The following MARCO variants were observed in gnomAD, a reference collection of about 807,000 sequenced individuals.
MARCO encodes macrophage receptor MARCO.
Under a neutral mutation model 70.0 loss-of-function variants are expected in MARCO, and 72 were observed. The ratio of observed to expected loss-of-function variants is 1.03; its 90% CI spans 0.85 to 1.25. The LOEUF (loss-of-function observed/expected upper bound fraction) is 1.25. Among genes scored for constraint, MARCO ranks in the 50% most tolerant of loss-of-function variants. The probability of loss-of-function intolerance (pLI) is 0.00; values close to 1 mark genes in which losing one functional copy is unlikely to be tolerated. For missense variants in MARCO, 696 were observed against 659.3 expected, an observed-to-expected ratio of 1.06 and a Z score of -0.61; for synonymous variants, 273 against 243.1, an observed-to-expected ratio of 1.12 and a Z score of -1.14.
chr2:118,961,484 T>C (rs1056002968), intron 1 of MARCO, among the ~76,000 whole-genome samples: 2 of 152,246 alleles, frequency 1.3e-5, no homozygotes, highest in African/African-American at 4.8e-5. Context: ...TTGAACTTTC[T>C]TTTCTTGCGT....
chr2:118,964,744 C>A (rs141808301), intron 1 of MARCO, among the ~76,000 whole-genome samples: 48 of 151,972 alleles, frequency 3.2e-4, no homozygotes, highest in African/African-American at 1.1e-3. Context: ...AAAAATTAGC[C>A]GGGCATGGTG....
chr2:118,956,756 T>C (rs1679845807), intron 1 of MARCO, among the ~76,000 whole-genome samples: 1 of 152,104 alleles, frequency 6.6e-6, no homozygotes, highest in Non-Finnish European at 1.5e-5. Context: ...AAAATGACCC[T>C]CAATAAATTT....
chr2:118,944,946 T>G (rs1249532215), intron 1 of MARCO: 1 of 152,178 alleles, frequency 6.6e-6, no homozygotes, highest in African/African-American at 2.4e-5. Flanking sequence ...TTTTCTTTAT[T>G]TTTTATTCTA....
intron 14 of MARCO, among the ~76,000 whole-genome samples, 191 bp from the exon 15 acceptor site, chr2:118,992,241 A>T (rs1224344516): frequency 6.6e-6 from 1 of 152,186 alleles, no homozygotes; most frequent in African/African-American, 2.4e-5. Context: ...GCTGTAGCTC[A>T]GGCCCGTTTC....
chr2:118,981,335 G>C, intron 8 of MARCO, 74 bp from the exon 9 acceptor site: 1 of 926,552 alleles, frequency 1.1e-6, no homozygotes. Context: ...AGTGGAATGG[G>C]AAGTGTCAGA....
intron 1 of MARCO, among the ~76,000 whole-genome samples, chr2:118,965,248 C>T (rs941127080): frequency 1.3e-5 from 2 of 152,116 alleles, no homozygotes. Context: ...TTTGTTTTCC[C>T]AGCTGATTTT....
chr2:118,948,768 A>G (rs1679652540), intron 1 of MARCO, among the ~76,000 whole-genome samples: 2 of 152,132 alleles, frequency 1.3e-5, no homozygotes, highest in Admixed American at 6.6e-5. Context: ...GAGTATACTT[A>G]TTATAGTTGT....
intron 8 of MARCO, among the ~76,000 whole-genome samples, chr2:118,979,101 G>A (rs1387171499): frequency 6.6e-6 from 1 of 152,128 alleles, no homozygotes; most frequent in African/African-American, 2.4e-5. Context: ...CTGGCACATG[G>A]GAATTCCTTA....
rs113840315 is a variant in MARCO, at chr2:118,974,048, G to A, written c.461-285G>A. Among the ~76,000 whole-genome samples the A allele has an allele frequency of 1.5e-3, 231 of 152,254 alleles. 3 individuals carry two copies. The highest frequency in any genetic ancestry group is 4.9e-3 in the African/African-American group (203 of 41,546). On this transcript the variant is annotated intron_variant, in intron 4 of 16. Coordinates refer to ENST00000327097, the MANE Select transcript of MARCO (RefSeq NM_006770.4). ...TACACTAATTCCATCTTACTGATGA[G>A]GGAGCTGAGGCTCAAAATGATGATG...
chr2:118,949,274 AC>A (rs1679672106), intron 1 of MARCO: 1 of 152,236 alleles, frequency 6.6e-6, no homozygotes, highest in Non-Finnish European at 1.5e-5. Context: ...CCTCTGGCCT[AC>A]CTTGCACACA....
intron 1 of MARCO, among the ~76,000 whole-genome samples, chr2:118,947,597 T>A (rs533953065): frequency 6.7e-6 from 1 of 150,372 alleles, no homozygotes; most frequent in African/African-American, 2.5e-5. Flanking sequence ...AAGGCTATCC[T>A]TTCCCTGTTG....
In MARCO at chr2:118,971,535, G is replaced by T. The variant is rs778013581; in HGVS notation, c.460+1G>T. The T allele has an allele frequency of 1.9e-6, 3 of 1,613,670 alleles. No homozygotes were observed. In the African/African-American group the frequency reaches 4.0e-5, roughly 22 times the overall value. ...ATCAAAGGTGAACAAGGCGCCCCAG[G>T]TAGGTTCATTTCCACTCACACCCAC... is the stretch of plus-strand genomic sequence containing the variant. On this transcript the variant is annotated splice_donor_variant, in intron 4 of 16. Coordinates refer to ENST00000327097, the MANE Select transcript of MARCO (RefSeq NM_006770.4). LOFTEE classifies it high-confidence loss of function.
At chr2:118,953,783 A>G (rs962371407) in intron 1 of MARCO, among the ~76,000 whole-genome samples, 1 of 152,230 alleles carries the variant, frequency 6.6e-6, no homozygotes, top group Non-Finnish European at 1.5e-5. Flanking sequence ...TCGTCTCCTG[A>G]ACACACACCC....
At chr2:118,992,271 A>T (rs1036129618) in intron 14 of MARCO, among the ~76,000 whole-genome samples, 161 bp from the exon 15 acceptor site, 1 of 152,096 alleles carries the variant, frequency 6.6e-6, no homozygotes, top group African/African-American at 2.4e-5. Flanking sequence ...AGTCATTGAC[A>T]CCCGCAGGAC....
intron 4 of MARCO, among the ~76,000 whole-genome samples, chr2:118,973,009 A>G (rs1439889985): frequency 6.6e-6 from 1 of 151,996 alleles, no homozygotes; most frequent in Admixed American, 6.6e-5. Flanking sequence ...CTCTCTCTCC[A>G]TGTCTCTCTC....
chr2:118,976,872 G>A (rs1680293224), intron 6 of MARCO, among the ~76,000 whole-genome samples: 1 of 152,276 alleles, frequency 6.6e-6, no homozygotes, highest in South Asian at 2.1e-4. Flanking sequence ...AGCTGTCTTA[G>A]CCTGTTTTGT....
intron 3 of MARCO, 82 bp downstream of exon 3, chr2:118,970,420 C>A (rs927822468): frequency 1.1e-5 from 12 of 1,120,208 alleles, no homozygotes; most frequent in Non-Finnish European, 1.6e-5. Flanking sequence ...AAATTAAGGA[C>A]CCTGTCCAAG....
intron 1 of MARCO, among the ~76,000 whole-genome samples, chr2:118,966,033 C>T (rs1288615845): frequency 6.6e-6 from 1 of 151,864 alleles, no homozygotes; most frequent in Non-Finnish European, 1.5e-5. Flanking sequence ...GGAGGACACC[C>T]TACCAGCACT....
chr2:118,969,094 A>C, intron 1 of MARCO, 66 bp from the exon 2 acceptor site: 1 of 1,150,162 alleles, frequency 8.7e-7, no homozygotes, highest in South Asian at 1.2e-5. Context: ...TAGGGCCTGG[A>C]GCAGGCAGGG....
Sources: gnomAD v4.1 joint callset for allele counts (sites outside exome capture counted in the v4.1 genomes callset) on GRCh38, gnomAD v4.1.1 for gene constraint, MANE v1.5 for transcripts, NCBI Gene and HGNC (gene_info 2026-07-23, HGNC 2026-07-21) for gene names.